GRK3: variants seen among roughly 807,000 people sequenced by gnomAD.
The protein encoded by GRK3 is adrenergic, beta, receptor kinase 2.
A neutral mutation model predicts 95.7 loss-of-function variants in GRK3; 54 were observed. The observed-to-expected ratio is 0.56, with a 90% CI of 0.45 to 0.71. The LOEUF (loss-of-function observed/expected upper bound fraction) is 0.71. Ranked by LOEUF, GRK3 falls within the 30% of genes least tolerant of loss-of-function variation. The probability of loss-of-function intolerance (pLI) is 0.00; values close to 1 mark genes in which losing one functional copy is unlikely to be tolerated. For missense variants in GRK3, 649 were observed against 851.2 expected, an observed-to-expected ratio of 0.76 and a Z score of 2.96; for synonymous variants, 281 against 290.8, an observed-to-expected ratio of 0.97 and a Z score of 0.34.
intron 12 of GRK3, among the ~76,000 whole-genome samples, chr22:25,694,305 C>A (rs980003570): frequency 6.6e-6 from 1 of 152,160 alleles, no homozygotes; most frequent in African/African-American, 2.4e-5. Flanking sequence ...TGTCAGGCTG[C>A]ATCTTGGAAA....
intron 8 of GRK3, among the ~76,000 whole-genome samples, chr22:25,675,350 T>C (rs1316606453): frequency 6.6e-6 from 1 of 152,152 alleles, no homozygotes; most frequent in African/African-American, 2.4e-5. Context: ...TCACTCACCT[T>C]GGTTAACGTT....
intron 2 of GRK3, among the ~76,000 whole-genome samples, chr22:25,616,481 A>G (rs901165354): frequency 6.6e-6 from 1 of 152,120 alleles, no homozygotes; most frequent in African/African-American, 2.4e-5. Context: ...TGAGAACAGC[A>G]AGGAGGAAAT....
intron 2 of GRK3, among the ~76,000 whole-genome samples, chr22:25,630,981 A>G (rs2084660065): frequency 6.6e-6 from 1 of 152,232 alleles, no homozygotes; most frequent in Admixed American, 6.5e-5. Context: ...AGAGTTAAAT[A>G]AAAATAAGCG....
chr22:25,625,717 A>G (rs1166931217), intron 2 of GRK3, among the ~76,000 whole-genome samples: 2 of 152,138 alleles, frequency 1.3e-5, no homozygotes, highest in Non-Finnish European at 2.9e-5. Flanking sequence ...TTCATGTTTC[A>G]TCCTGTACAC....
At chr22:25,706,117 G>A (rs531031272) in intron 15 of GRK3, among the ~76,000 whole-genome samples, 13 of 152,184 alleles carry the variant, frequency 8.5e-5, no homozygotes, top group Middle Eastern at 3.4e-3. Context: ...CTGCATCTTT[G>A]CTTTAATTCT....
chr22:25,652,898 C>CA (rs1481331305), intron 3 of GRK3, among the ~76,000 whole-genome samples: 1 of 152,080 alleles, frequency 6.6e-6, no homozygotes, highest in Admixed American at 6.5e-5. Context: ...ACATGCTGCA[C>CA]AGGTTTGAAT....
At position 25,663,463 on chromosome 22, in the gene GRK3, G is replaced by A. The variant is rs367681526; in HGVS notation, c.367-167G>A. 7.9e-5 allele frequency among the ~76,000 whole-genome samples: 12 copies of A among 152,302 alleles called. 1 individual carries two copies. In the South Asian group the frequency reaches 1.7e-3, roughly 21 times the overall value. ...GCCCAGAGGAACAAGCATTTGCTGCGATTGCCTATAAATACTCAACAGATT... is the reference window on the plus strand; with the variant it reads ...GCCCAGAGGAACAAGCATTTGCTGCAATTGCCTATAAATACTCAACAGATT... On this transcript the variant is annotated intron_variant, in intron 4 of 20. Transcript: ENST00000324198.
intron 11 of GRK3, among the ~76,000 whole-genome samples, chr22:25,689,501 G>C (rs2085148314): frequency 6.6e-6 from 1 of 152,106 alleles, no homozygotes; most frequent in South Asian, 2.1e-4. Context: ...ATCGCCAGCA[G>C]AAAAATATTA....
At chr22:25,629,738 A>C (rs1346531916) in intron 2 of GRK3, among the ~76,000 whole-genome samples, 1 of 152,164 alleles carries the variant, frequency 6.6e-6, no homozygotes, top group Admixed American at 6.5e-5. Flanking sequence ...ACCCATGGAA[A>C]GTTTCAAAGC....
At chr22:25,597,897 C>G (rs1220414923) in intron 1 of GRK3, among the ~76,000 whole-genome samples, 3 of 152,138 alleles carry the variant, frequency 2.0e-5, no homozygotes, top group Non-Finnish European at 4.4e-5. Flanking sequence ...AAACTAAAGG[C>G]AAAACAAAGA....
chr22:25,642,415 A>C (rs113320947), intron 2 of GRK3, among the ~76,000 whole-genome samples: 3,892 of 152,318 alleles, frequency 0.026, 58 homozygotes, highest in East Asian at 0.038. Context: ...CCTGGGCGAC[A>C]GAGCAAGACT....
At chr22:25,671,610 G>A (rs538469859) in intron 6 of GRK3, among the ~76,000 whole-genome samples, 2 of 152,282 alleles carry the variant, frequency 1.3e-5, no homozygotes, top group South Asian at 4.1e-4. Flanking sequence ...CTCTGTCACT[G>A]TGTGACCTTG....
At chr22:25,721,482 A>G (rs1028576061) in intron 20 of GRK3, 85 bp downstream of exon 20, 2 of 789,872 alleles carry the variant, frequency 2.5e-6, no homozygotes, top group South Asian at 1.6e-5. Context: ...ACATTTTCTT[A>G]TGCCATGTTT....
intron 5 of GRK3, among the ~76,000 whole-genome samples, 197 bp from the exon 6 acceptor site, chr22:25,667,542 T>C (rs942361255): frequency 6.6e-5 from 10 of 152,180 alleles, no homozygotes; most frequent in Admixed American, 2.6e-4. Context: ...TGTGTCTTCA[T>C]AGAATCAAGT....
chr22:25,720,383 G>T (rs2085421378), intron 19 of GRK3, among the ~76,000 whole-genome samples: 2 of 150,048 alleles, frequency 1.3e-5, no homozygotes, highest in South Asian at 4.2e-4. Context: ...CAGGATTCCT[G>T]AAGTATTTAT....
intron 1 of GRK3, among the ~76,000 whole-genome samples, chr22:25,575,395 C>T (rs976462666): frequency 7.2e-5 from 11 of 152,178 alleles, no homozygotes; most frequent in African/African-American, 2.4e-4. Flanking sequence ...TTTCACAACC[C>T]TCTTTCCCTT....
At chr22:25,581,755 T>C (rs1915386213) in intron 1 of GRK3, among the ~76,000 whole-genome samples, 1 of 148,464 alleles carries the variant, frequency 6.7e-6, no homozygotes, top group African/African-American at 2.6e-5. Context: ...TTCACTGACT[T>C]ATTCAGATCA....
At chr22:25,651,665 C>CTGA (rs1297270681) in intron 3 of GRK3, among the ~76,000 whole-genome samples, 1 of 152,130 alleles carries the variant, frequency 6.6e-6, no homozygotes, top group Non-Finnish European at 1.5e-5. Flanking sequence ...TGTACTAAAT[C>CTGA]TGATCAGGAA....
intron 3 of GRK3, among the ~76,000 whole-genome samples, chr22:25,646,389 T>C (rs1027954317): frequency 1.2e-4 from 19 of 152,192 alleles, no homozygotes; most frequent in Admixed American, 1.2e-3. Flanking sequence ...TTCAGTTCAA[T>C]AGCAGATTGG....
Sources: gnomAD v4.1 joint callset for allele counts (sites outside exome capture counted in the v4.1 genomes callset) on GRCh38, gnomAD v4.1.1 for gene constraint, MANE v1.5 for transcripts, NCBI Gene and HGNC (gene_info 2026-07-23, HGNC 2026-07-21) for gene names.